The following KNG1 variants were observed in gnomAD, a reference collection of about 807,000 sequenced individuals.
The protein encoded by KNG1 is kininogen-1.
Under a neutral mutation model 47.8 loss-of-function variants are expected in KNG1, and 23 were observed. The ratio of observed to expected loss-of-function variants is 0.48; its 90% confidence interval spans 0.35 to 0.68. The LOEUF (loss-of-function observed/expected upper bound fraction) is 0.68, where lower values mean the gene tolerates loss of function less well. KNG1 is among the 30% of genes least tolerant of loss of function. KNG1 has a pLI of 0.01. For synonymous variants in KNG1, 277 were observed against 277.0 expected (o/e 1.00, Z 0.00); for missense variants, 762 against 790.2 (o/e 0.96, Z 0.43).
At chr3:186,733,514 C>T (rs1720594556) in intron 7 of KNG1, among the ~76,000 whole-genome samples, 1 of 152,134 alleles carries the variant, frequency 6.6e-6, no homozygotes, top group African/African-American at 2.4e-5. Flanking sequence ...TCTCTCCTTT[C>T]ATGCCCTATC....
At position 186,741,938 on chromosome 3, in the gene KNG1, A is replaced by C; in HGVS notation, c.1542A>C (p.Gly514=). ...GKHKNKGKKN[G]KHNGWKTEHL... ...ATAAAAATAAAGGCAAAAAGAATGG[A>C]AAGCACAATGGTTGGAAAACAGAGC... is the stretch of plus-strand genomic sequence containing the variant. Residue 514 remains glycine (G), a synonymous_variant, in exon 10 of 10, where the codon GGA becomes GGC. Coordinates refer to ENST00000644859, the MANE Select transcript of KNG1 (RefSeq NM_001102416.3). The C allele has an allele frequency of 6.2e-7, 1 of 1,614,220 alleles. No homozygotes were observed. The highest frequency in any genetic ancestry group is 1.3e-5 in the African/African-American group (1 of 75,056).
chr3:186,735,873 G>A (rs1720659936), intron 7 of KNG1: 1 of 152,228 alleles, frequency 6.6e-6, no homozygotes, highest in Non-Finnish European at 1.5e-5. Context: ...GAACTCCTGG[G>A]AGCAAGCAAT....
At chr3:186,728,437 T>G (rs1334203564) in intron 5 of KNG1, 1 of 152,140 alleles carries the variant, frequency 6.6e-6, no homozygotes, top group South Asian at 2.1e-4. Context: ...TTACAGTATA[T>G]CCATACAGTA....
At chr3:186,741,419 C>T (rs530299758) in intron 9 of KNG1, 103 bp from the exon 10 acceptor site, 10 of 1,015,214 alleles carry the variant, frequency 9.9e-6, no homozygotes, top group Non-Finnish European at 1.3e-5. Flanking sequence ...AAACACCTCC[C>T]CCATTGTAAA....
intron 5 of KNG1, among the ~76,000 whole-genome samples, chr3:186,729,943 T>G (rs902733485): frequency 9.9e-5 from 15 of 152,150 alleles, no homozygotes; most frequent in Non-Finnish European, 1.8e-4. Flanking sequence ...AAGTGACTTA[T>G]CACACAGCAC....
Position 186,741,789 on chromosome 3 carries a change from C to T in KNG1, c.1393C>T (p.His465Tyr). The change falls in exon 10 of 10, where the codon CAC (histidine) becomes TAC (tyrosine). Residue 465 changes from histidine (H) to tyrosine (Y), a missense_variant. By Grantham distance (83) the His-to-Tyr change is moderately conservative (BLOSUM62 2). Coordinates refer to ENST00000644859, the MANE Select transcript of KNG1 (RefSeq NM_001102416.3). Reference protein sequence around the residue: ...HQRGHGLGHGHEQQHGLGHGH... With the variant: ...HQRGHGLGHGYEQQHGLGHGH... ...AAGAGGACATGGCCTTGGCCATGGA[C>T]ACGAACAACAGCATGGTCTTGGTCA... 1 of 1,613,946 alleles carries T rather than the reference C, an allele frequency of 6.2e-7. No homozygotes were observed. Among genetic ancestry groups the T allele is most frequent in the Non-Finnish European group, 8.5e-7 (1 of 1,179,950 alleles).
At position 186,727,278 on chromosome 3, in the gene KNG1, G is replaced by A; in HGVS notation, c.606G>A (p.Val202=). ...ACTTTCGAATTACCTACTCAATTGT[G>A]CAAACGAATTGTTCCAAAGAGAATT... ...GLNFRITYSI[V]QTNCSKENFL... The change falls in exon 5 of 10, where the codon GTG becomes GTA. Residue 202 remains valine, a synonymous_variant. Coordinates refer to ENST00000644859, the MANE Select transcript of KNG1 (RefSeq NM_001102416.3). The A allele has an allele frequency of 6.2e-7, 1 of 1,613,932 alleles. No homozygotes were observed. Among genetic ancestry groups the A allele is most frequent in the Non-Finnish European group, 8.5e-7 (1 of 1,179,866 alleles).
rs768319828 is a variant in KNG1, at chr3:186,741,806, T to A, written c.1410T>A (p.Gly470=). 6.0e-5 allele frequency: 97 copies of A among 1,614,014 alleles called. No homozygotes were observed. The East Asian group carries it at 1.4e-3, about 24-fold the overall frequency. The change falls in exon 10 of 10, where the codon GGT becomes GGA. Residue 470 remains glycine, a synonymous_variant. Coordinates refer to ENST00000644859, the MANE Select transcript of KNG1 (RefSeq NM_001102416.3). ...GLGHGHEQQH[G]LGHGHKFKLD... ...GCCATGGACACGAACAACAGCATGG[T>A]CTTGGTCATGGACATAAGTTCAAAC...
Position 186,720,106 on chromosome 3 carries a change from T to C in KNG1, c.197T>C (p.Val66Ala), listed in dbSNP as rs1720142770. 1.9e-6 allele frequency: 3 copies of C among 1,608,928 alleles called. No individual in the cohort carries two copies. The highest frequency in any genetic ancestry group is 2.6e-6 in the Non-Finnish European group (3 of 1,175,216). ...TAAGTATCTTTGGCTGCTTTTCAGG[T>C]TGGCTCTGACACGTTTTATTCCTTC... ...LYRITEATKTVGSDTFYSFKY... is the reference protein window; with the variant it reads ...LYRITEATKTAGSDTFYSFKY... Residue 66 changes from valine to alanine, a missense_variant and splice_region_variant, in exon 2 of 10, where the codon GTT becomes GCT. Physicochemically the swap from Val to Ala is moderately conservative, Grantham distance 64. Transcript: ENST00000644859.
chr3:186,724,850 A>C (rs995487919), intron 3 of KNG1, among the ~76,000 whole-genome samples: 7 of 151,814 alleles, frequency 4.6e-5, no homozygotes, highest in African/African-American at 1.7e-4. Flanking sequence ...TATCACATTC[A>C]GCTAATTTTT....
chr3:186,727,318 C>G lies in KNG1; in HGVS notation c.646C>G (p.Pro216Ala), dbSNP rs763535326. 1.2e-5 allele frequency: 19 copies of G among 1,612,334 alleles called. No individual in the cohort carries two copies. In the South Asian group the frequency reaches 2.0e-4, roughly 17 times the overall value. The change falls in exon 5 of 10, where the codon CCA becomes GCA. Residue 216 changes from proline to alanine, a missense_variant. Pro to Ala is a conservative substitution (Grantham distance 27). Transcript: ENST00000644859. ...CAAAGAGAATTTTCTGTTCTTAACT[C>G]CAGACTGCAAGTCCCTTTGGAATGG... ...CSKENFLFLTPDCKSLWNGDT... is the reference protein window; with the variant it reads ...CSKENFLFLTADCKSLWNGDT...
chr3:186,724,811 T>C (rs1034517714), intron 3 of KNG1, among the ~76,000 whole-genome samples: 1 of 152,122 alleles, frequency 6.6e-6, no homozygotes, highest in Non-Finnish European at 1.5e-5. Context: ...TTCTCCTGCC[T>C]CAGCCTCAGC....
intron 1 of KNG1, among the ~76,000 whole-genome samples, chr3:186,719,467 G>C (rs1444059124): frequency 6.6e-6 from 1 of 152,168 alleles, no homozygotes; most frequent in African/African-American, 2.4e-5. Context: ...TGGGCCGGGC[G>C]CGGTGGCTCA....
At chr3:186,730,655 CAAAAAAAAAAAAAA>C (rs869232105) in intron 5 of KNG1, among the ~76,000 whole-genome samples, 116 of 80,102 alleles carry the variant, frequency 1.4e-3, no homozygotes, top group African/African-American at 5.4e-3. Flanking sequence ...GACTCCATCA[CAAAAAAAAAAAAAA>C]AAAAAAAAAA....
At chr3:186,731,672 G>A in intron 6 of KNG1, 43 bp downstream of exon 6, 1 of 1,247,266 alleles carries the variant, frequency 8.0e-7, no homozygotes, top group Non-Finnish European at 1.2e-6. Flanking sequence ...AGGAATAGTG[G>A]TCCCAGACAA....
intron 1 of KNG1, among the ~76,000 whole-genome samples, chr3:186,719,656 G>A (rs779110459): frequency 9.2e-4 from 139 of 151,816 alleles, no homozygotes; most frequent in Admixed American, 2.4e-3. Context: ...GTGAACCCGG[G>A]AGGCAGAGCT....
intron 7 of KNG1, among the ~76,000 whole-genome samples, chr3:186,734,206 AG>A (rs1720613541): frequency 6.6e-6 from 1 of 152,224 alleles, no homozygotes; most frequent in Non-Finnish European, 1.5e-5. Flanking sequence ...AGGAATCTAA[AG>A]TAGGAGTCTT....
intron 4 of KNG1, 109 bp from the exon 5 acceptor site, chr3:186,727,128 G>T: frequency 2.6e-6 from 2 of 775,174 alleles, no homozygotes; most frequent in Non-Finnish European, 2.3e-6. Context: ...ATATTTCTTG[G>T]GCACTTATTA....
At chr3:186,730,507 T>G (rs1162092363) in intron 5 of KNG1, among the ~76,000 whole-genome samples, 2 of 151,168 alleles carry the variant, frequency 1.3e-5, no homozygotes, top group African/African-American at 2.4e-5. Flanking sequence ...TACAAAAAAA[T>G]TAGCCGGGTG....
Sources: gnomAD v4.1 joint callset for allele counts (sites outside exome capture counted in the v4.1 genomes callset) on GRCh38, gnomAD v4.1.1 for gene constraint, MANE v1.5 for transcripts, NCBI Gene and HGNC (gene_info 2026-07-23, HGNC 2026-07-21) for gene names.